Variants in PRKN observed in about 807,000 individuals in gnomAD.
PRKN encodes parkin RBR E3 ubiquitin protein ligase, also known as E3 ubiquitin-protein ligase parkin.
Under a neutral mutation model 59.5 loss-of-function variants are expected in PRKN, and 56 were observed. The ratio of observed to expected loss-of-function variants is 0.94; its 90% CI spans 0.76 to 1.18. PRKN has a LOEUF of 1.18. PRKN is among the 50% of genes most tolerant of loss of function. The pLI is 0.00. For synonymous variants in PRKN, 250 were observed against 222.1 expected (o/e 1.13, Z -1.12); for missense variants, 657 against 596.4 (o/e 1.10, Z -1.06).
At chr6:162,509,357 T>A (rs1296585220) in intron 1 of PRKN, among the ~76,000 whole-genome samples, 1 of 152,202 alleles carries the variant, frequency 6.6e-6, no homozygotes, top group Non-Finnish European at 1.5e-5. Context: ...TAAGAACATT[T>A]CTTACAGGCA....
chr6:162,688,481 ATAAC>A (rs1430033797), intron 1 of PRKN, among the ~76,000 whole-genome samples: 4 of 152,354 alleles, frequency 2.6e-5, no homozygotes, highest in South Asian at 4.1e-4. Flanking sequence ...ATTGTATTAG[ATAAC>A]TAACAAAATT....
intron 1 of PRKN, among the ~76,000 whole-genome samples, chr6:162,714,201 C>G (rs2849515): frequency 0.32 from 48,447 of 151,982 alleles, 8,587 homozygotes; most frequent in Non-Finnish European, 0.41. Context: ...CGTAAACAGA[C>G]GCAAATATCT....
intron 10 of PRKN, among the ~76,000 whole-genome samples, chr6:161,380,426 C>CTTTTT (rs977152868): frequency 0.044 from 5,206 of 117,772 alleles, 133 homozygotes; most frequent in Non-Finnish European, 0.058. Context: ...CCAAGTCTAT[C>CTTTTT]TTTTTTTTTT....
chr6:161,773,788 AT>A (rs1343050877), intron 7 of PRKN, among the ~76,000 whole-genome samples: 2 of 152,282 alleles, frequency 1.3e-5, no homozygotes, highest in East Asian at 3.9e-4. Context: ...GCTTTCTCAA[AT>A]GTTATTTTAT....
chr6:161,902,564 A>ATCTTTTTTTTTTTTTT (rs1242030157), intron 6 of PRKN, among the ~76,000 whole-genome samples: 7 of 112,042 alleles, frequency 6.2e-5, no homozygotes, highest in African/African-American at 2.0e-4. Flanking sequence ...TTATTTATTT[A>ATCTTTTTTTTTTTTTT]TTTTTTTTTT....
Position 161,733,802 on chromosome 6 carries a change from A to G in PRKN, c.871+51970T>C, listed in dbSNP as rs865910175. On this transcript the variant is annotated intron_variant, in intron 7 of 11. Transcript: ENST00000366898. ...AAAAAAAATATATATATATATGTAT[A>G]TATATATATATATATATATGTATTC... 4.5e-3 allele frequency among the ~76,000 whole-genome samples: 537 copies of G among 118,820 alleles called. 7 individuals carry two copies. Among genetic ancestry groups the G allele is most frequent in the Middle Eastern group, 7.6e-3 (2 of 262 alleles). 78.0% of individuals were successfully genotyped at this position (118,820 alleles called of 152,430 possible).
At chr6:161,650,002 G>T (rs1365615777) in intron 7 of PRKN, among the ~76,000 whole-genome samples, 1 of 152,186 alleles carries the variant, frequency 6.6e-6, no homozygotes, top group Non-Finnish European at 1.5e-5. Context: ...CTGCAGGTGT[G>T]CCAGCCCAGA....
intron 9 of PRKN, among the ~76,000 whole-genome samples, chr6:161,512,128 GA>G (rs1345991017): frequency 6.6e-6 from 1 of 152,220 alleles, no homozygotes; most frequent in Non-Finnish European, 1.5e-5. Flanking sequence ...ATGTAAGTCT[GA>G]AAATGGAAAG....
intron 4 of PRKN, among the ~76,000 whole-genome samples, chr6:162,072,980 T>A (rs1778643859): frequency 6.6e-6 from 1 of 152,218 alleles, no homozygotes; most frequent in African/African-American, 2.4e-5. Context: ...AAGTTCAGGA[T>A]GCAATTTCAC....
intron 2 of PRKN, among the ~76,000 whole-genome samples, chr6:162,264,574 A>C (rs1212774880): frequency 6.6e-6 from 1 of 151,752 alleles, no homozygotes; most frequent in Non-Finnish European, 1.5e-5. Context: ...CTTAAATCCC[A>C]TTCCAACCTC....
chr6:161,803,677 A>G (rs1048751435), intron 6 of PRKN, among the ~76,000 whole-genome samples: 4 of 152,204 alleles, frequency 2.6e-5, no homozygotes, highest in African/African-American at 9.7e-5. Context: ...GTACTCAGCC[A>G]TAGCTGACCA....
intron 1 of PRKN, among the ~76,000 whole-genome samples, chr6:162,541,796 G>A (rs2803073): frequency 0.74 from 111,727 of 151,912 alleles, 41,983 homozygotes; most frequent in African/African-American, 0.82. Context: ...AATACCCTAA[G>A]TATAAGAGTT....
Position 162,715,904 on chromosome 6 carries a change from T to A in PRKN, c.7+11758A>T, listed in dbSNP as rs367864353. Among the ~76,000 whole-genome samples, 11 of 152,316 alleles carry A rather than the reference T, an allele frequency of 7.2e-5. No homozygotes were observed. The South Asian group carries it at 2.3e-3, about 32-fold the overall frequency. Reference sequence around the variant, plus strand: ...TCTTGGCCTGCTCAGGAGTCCAGTCTGTTGTTAAGATCCAGCTCAAATAAA... The same window carrying A: ...TCTTGGCCTGCTCAGGAGTCCAGTCAGTTGTTAAGATCCAGCTCAAATAAA... On this transcript the variant is annotated intron_variant, in intron 1 of 11. Coordinates refer to ENST00000366898, the MANE Select transcript of PRKN (RefSeq NM_004562.3).
chr6:161,745,648 A>G lies in PRKN; in HGVS notation c.871+40124T>C, dbSNP rs543312572. Among the ~76,000 whole-genome samples the G allele has an allele frequency of 3.9e-4, 59 of 152,324 alleles. 2 individuals carry two copies. In the South Asian group the frequency reaches 0.011, roughly 29 times the overall value. On this transcript the variant is annotated intron_variant, in intron 7 of 11. Transcript: ENST00000366898. ...ACAATTAACACCCTATTTAAAGGCT[A>G]GAATATAGGAAAAGGAGGATCTGAA... is the stretch of plus-strand genomic sequence containing the variant.
intron 1 of PRKN, among the ~76,000 whole-genome samples, chr6:162,617,622 C>T (rs953156822): frequency 6.6e-6 from 1 of 152,156 alleles, no homozygotes; most frequent in Non-Finnish European, 1.5e-5. Flanking sequence ...ACCAACATCT[C>T]CCTATTTCCT....
chr6:162,528,094 G>A (rs1266323004), intron 1 of PRKN, among the ~76,000 whole-genome samples: 1 of 151,548 alleles, frequency 6.6e-6, no homozygotes, highest in African/African-American at 2.4e-5. Flanking sequence ...GTGCGGGGCG[G>A]CGGGTCACCT....
intron 6 of PRKN, among the ~76,000 whole-genome samples, chr6:161,809,179 A>G (rs975354111): frequency 1.3e-5 from 2 of 152,182 alleles, no homozygotes; most frequent in African/African-American, 2.4e-5. Flanking sequence ...AAAGGATGAC[A>G]CAGATAGAAA....
chr6:162,377,110 G>A lies in PRKN; in HGVS notation c.171+66200C>T, dbSNP rs1786150832. On this transcript the variant is annotated intron_variant, in intron 2 of 11. Transcript: ENST00000366898. ...CCATCCTAAGAGGATGGTGGAGGGT[G>A]ATGCTTTTTGTTTCTTACTCATTTC... Among the ~76,000 whole-genome samples the A allele has an allele frequency of 2.0e-5, 3 of 152,222 alleles. No homozygotes were observed. The South Asian group carries it at 6.2e-4, about 32-fold the overall frequency.
At position 162,534,522 on chromosome 6, in the gene PRKN, G is replaced by A. The variant is rs563185007; in HGVS notation, c.8-91049C>T. ...TTCATTAGACCGCACACTCCTTGAA[G>A]TTTATATGGCTTTATTTTTTGCACA... is the stretch of plus-strand genomic sequence containing the variant. On this transcript the variant is annotated intron_variant, in intron 1 of 11. Coordinates refer to ENST00000366898, the MANE Select transcript of PRKN (RefSeq NM_004562.3). 5.3e-5 allele frequency among the ~76,000 whole-genome samples: 8 copies of A among 152,278 alleles called. No homozygotes were observed. In the East Asian group the frequency reaches 1.5e-3, roughly 29 times the overall value.
Sources: gnomAD v4.1 joint callset for allele counts (sites outside exome capture counted in the v4.1 genomes callset) on GRCh38, gnomAD v4.1.1 for gene constraint, MANE v1.5 for transcripts, NCBI Gene and HGNC (gene_info 2026-07-23, HGNC 2026-07-21) for gene names.